CERT1: variants seen among roughly 807,000 people sequenced by gnomAD.
CERT1 encodes ceramide transfer protein.
A neutral mutation model predicts 87.9 loss-of-function variants in CERT1; 31 were observed. That is an observed-to-expected ratio of 0.35 (90% CI 0.27 to 0.48). CERT1 has a LOEUF of 0.48. Ranked by LOEUF, CERT1 falls within the 20% of genes least tolerant of loss-of-function variation. The probability of loss-of-function intolerance (pLI) is 0.99; values close to 1 mark genes in which losing one functional copy is unlikely to be tolerated. For synonymous variants in CERT1, 289 were observed against 250.9 expected (o/e 1.15, Z -1.44); for missense variants, 487 against 758.0 (o/e 0.64, Z 4.20).
intron 2 of CERT1, among the ~76,000 whole-genome samples, chr5:75,486,090 T>C (rs578069216): frequency 1.3e-5 from 2 of 152,062 alleles, no homozygotes; most frequent in South Asian, 4.1e-4. Flanking sequence ...CGAACATTGA[T>C]ACAAAAATCC....
intron 3 of CERT1, among the ~76,000 whole-genome samples, chr5:75,431,419 G>A (rs983914111): frequency 6.6e-6 from 1 of 152,186 alleles, no homozygotes; most frequent in Non-Finnish European, 1.5e-5. Flanking sequence ...CTACACTGAA[G>A]AGGTGGTCCA....
intron 3 of CERT1, among the ~76,000 whole-genome samples, chr5:75,444,081 T>C (rs549842681): frequency 2.6e-4 from 39 of 152,266 alleles, no homozygotes; most frequent in African/African-American, 9.4e-4. Context: ...TTTTTTTTGT[T>C]TGTTTTTGCT....
At chr5:75,466,460 A>G (rs1028891174) in intron 2 of CERT1, among the ~76,000 whole-genome samples, 1 of 152,212 alleles carries the variant, frequency 6.6e-6, no homozygotes, top group Non-Finnish European at 1.5e-5. Flanking sequence ...ATATTCGAGT[A>G]TAAGATACAC....
chr5:75,473,349 G>C (rs553391744), intron 2 of CERT1, among the ~76,000 whole-genome samples: 1 of 152,252 alleles, frequency 6.6e-6, no homozygotes, highest in African/African-American at 2.4e-5. Flanking sequence ...ACCTCCCAAA[G>C]TGCTGGAATT....
chr5:75,495,153 A>G (rs1348380125), intron 2 of CERT1, among the ~76,000 whole-genome samples: 1 of 152,252 alleles, frequency 6.6e-6, no homozygotes, highest in Non-Finnish European at 1.5e-5. Flanking sequence ...AATCCTCATT[A>G]GAGGGAAAGT....
intron 4 of CERT1, among the ~76,000 whole-genome samples, chr5:75,425,966 G>A (rs1398355923): frequency 9.2e-5 from 14 of 152,134 alleles, no homozygotes; most frequent in Admixed American, 7.9e-4. Context: ...CACTGCATTT[G>A]AGCTATTTTA....
intron 3 of CERT1, among the ~76,000 whole-genome samples, chr5:75,454,360 C>A (rs1449574097): frequency 6.6e-6 from 1 of 152,126 alleles, no homozygotes; most frequent in East Asian, 1.9e-4. Context: ...TTATATTATA[C>A]ATTATTTTAA....
chr5:75,456,048 G>A (rs1182784087), intron 3 of CERT1, among the ~76,000 whole-genome samples: 1 of 151,992 alleles, frequency 6.6e-6, no homozygotes, highest in African/African-American at 2.4e-5. Flanking sequence ...AGACGATAAT[G>A]CATACTTAAA....
chr5:75,423,280 C>T (rs529557322), intron 5 of CERT1, among the ~76,000 whole-genome samples: 3 of 151,998 alleles, frequency 2.0e-5, no homozygotes, highest in African/African-American at 7.2e-5. Context: ...CTATATGTAT[C>T]CTGTTTTTGT....
chr5:75,463,032 G>C (rs1378659487), intron 2 of CERT1, among the ~76,000 whole-genome samples: 1 of 139,340 alleles, frequency 7.2e-6, no homozygotes, highest in Non-Finnish European at 1.6e-5. Context: ...ATGTTAAACA[G>C]ATTTGAGAAA....
At chr5:75,399,281 C>T in intron 11 of CERT1, 29 bp downstream of exon 11, 1 of 1,513,738 alleles carries the variant, frequency 6.6e-7, no homozygotes, top group Non-Finnish European at 9.2e-7. Context: ...CAGAAAGACT[C>T]AAGTCCACTC....
intron 2 of CERT1, among the ~76,000 whole-genome samples, chr5:75,487,458 C>G (rs191316638): frequency 3.8e-4 from 57 of 152,000 alleles, no homozygotes; most frequent in Middle Eastern, 3.4e-3. Flanking sequence ...CACAGGCAAC[C>G]AGAGCAAAAA....
chr5:75,471,061 T>C (rs1237801156), intron 2 of CERT1, among the ~76,000 whole-genome samples: 1 of 152,160 alleles, frequency 6.6e-6, no homozygotes, highest in Non-Finnish European at 1.5e-5. Context: ...CACTGAAAAC[T>C]ATAAAACATT....
At chr5:75,475,927 A>G (rs1765932849) in intron 2 of CERT1, among the ~76,000 whole-genome samples, 1 of 152,186 alleles carries the variant, frequency 6.6e-6, no homozygotes, top group South Asian at 2.1e-4. Flanking sequence ...GAATGTGATA[A>G]TCCACATTTT....
chr5:75,511,773 G>A (rs1768022896), upstream of CERT1: 1 of 1,551,494 alleles, frequency 6.4e-7, no homozygotes, highest in East Asian at 2.4e-5. Flanking sequence ...GGCTCTCCCG[G>A]GTGACGACGG....
chr5:75,377,192 TGA>T (rs1449929775), downstream of CERT1: 1 of 152,220 alleles, frequency 6.6e-6, no homozygotes, highest in African/African-American at 2.4e-5. Context: ...AAAACTACAC[TGA>T]GAGAGTATTT....
At position 75,511,548 on chromosome 5, in the gene CERT1, G is replaced by T. The variant is rs1231483472; in HGVS notation, c.-341C>A. The T allele has an allele frequency of 2.7e-6, 4 of 1,459,358 alleles. No homozygotes were observed. The highest frequency in any genetic ancestry group is 3.6e-6 in the Non-Finnish European group (4 of 1,108,478). 90.4% of individuals were successfully genotyped at this position (1,459,358 alleles called of 1,614,324 possible). The stretch of plus-strand genomic sequence containing the variant: ...ATAGGGAAGGAAAAGGGAAAAGAAG[G>T]GAAGAGAAAATCCGGCCGCTGAGTC... On this transcript the variant is annotated 5_prime_UTR_variant, in exon 1 of 17. Transcript: ENST00000643780.
At chr5:75,509,235 TC>T (rs1176840970) in intron 1 of CERT1, among the ~76,000 whole-genome samples, 1 of 152,098 alleles carries the variant, frequency 6.6e-6, no homozygotes, top group African/African-American at 2.4e-5. Context: ...AAGAACAAAA[TC>T]CGAGTTCTGA....
At chr5:75,408,105 A>G (rs1044123361) in intron 8 of CERT1, among the ~76,000 whole-genome samples, 1 of 152,126 alleles carries the variant, frequency 6.6e-6, no homozygotes, top group Middle Eastern at 3.2e-3. Context: ...GGATTAAACA[A>G]GTTTTACTGG....
Sources: allele counts gnomAD v4.1 joint callset (sites outside exome capture counted in the v4.1 genomes callset), GRCh38; gene constraint gnomAD v4.1.1; transcripts MANE v1.5; gene names NCBI Gene and HGNC (gene_info 2026-07-23, HGNC 2026-07-21).